Variants in RMDN2 observed in about 807,000 individuals in gnomAD.
RMDN2 encodes the protein regulator of microtubule dynamics 2.
RMDN2 carries 61 observed loss-of-function variants against 52.8 expected under a neutral mutation model. The observed-to-expected ratio is 1.16, with a 90% CI of 0.94 to 1.43. The LOEUF (loss-of-function observed/expected upper bound fraction) is 1.43, where lower values mean the gene tolerates loss of function less well. Among genes scored for constraint, RMDN2 ranks in the 40% most tolerant of loss-of-function variants. The probability of loss-of-function intolerance (pLI) is 0.00; values close to 1 mark genes in which losing one functional copy is unlikely to be tolerated. For synonymous variants in RMDN2, 180 were observed against 153.1 expected (o/e 1.18, Z -1.30); for missense variants, 592 against 475.3 (o/e 1.25, Z -2.28).
chr2:37,926,286 CA>C (rs1159245829), intron 1 of RMDN2, among the ~76,000 whole-genome samples: 2 of 152,152 alleles, frequency 1.3e-5, no homozygotes, highest in Non-Finnish European at 2.9e-5. Flanking sequence ...ATTTCTACAT[CA>C]AAAAATTAAT....
intron 2 of RMDN2, among the ~76,000 whole-genome samples, chr2:37,955,087 G>C (rs1669284774): frequency 6.6e-6 from 1 of 152,050 alleles, no homozygotes; most frequent in African/African-American, 2.4e-5. Context: ...TTTTGTGTAT[G>C]TGTGTGAAAT....
At chr2:37,973,948 G>C (rs1672125801) in intron 2 of RMDN2, 92 bp from the exon 3 acceptor site, 3 of 1,000,748 alleles carry the variant, frequency 3.0e-6, no homozygotes, top group African/African-American at 3.3e-5. Flanking sequence ...TCAAGCATAA[G>C]AGGGGCATGA....
downstream of RMDN2, among the ~76,000 whole-genome samples, chr2:38,022,283 T>C (rs535097737): frequency 7.4e-4 from 113 of 152,348 alleles, 1 homozygote; most frequent in Non-Finnish European, 2.9e-5. Flanking sequence ...CAGGATTATA[T>C]GTAGAACATT....
intron 10 of RMDN2, among the ~76,000 whole-genome samples, chr2:38,055,451 A>C (rs1188967952): frequency 6.6e-6 from 1 of 152,066 alleles, no homozygotes; most frequent in Non-Finnish European, 1.5e-5. Flanking sequence ...GAAAATCCTT[A>C]CTCAACTGTG....
chr2:37,954,347 C>A (rs149387413), intron 2 of RMDN2, among the ~76,000 whole-genome samples: 1 of 151,888 alleles, frequency 6.6e-6, no homozygotes, highest in Admixed American at 6.6e-5. Flanking sequence ...ATATTTAGGT[C>A]TTTGATGCAT....
At chr2:38,007,851 A>C (rs1467259948) in intron 10 of RMDN2, among the ~76,000 whole-genome samples, 2 of 152,066 alleles carry the variant, frequency 1.3e-5, no homozygotes, top group African/African-American at 4.8e-5. Flanking sequence ...TTAGTGCTAT[A>C]AATTTCCCTC....
intron 7 of RMDN2, among the ~76,000 whole-genome samples, chr2:37,993,138 T>A (rs1385936435): frequency 2.0e-5 from 3 of 152,176 alleles, no homozygotes; most frequent in Admixed American, 1.3e-4. Context: ...TTGGCCAGGC[T>A]GGTCTCACAC....
At chr2:38,002,702 G>A (rs1676484153) in intron 8 of RMDN2, among the ~76,000 whole-genome samples, 1 of 152,224 alleles carries the variant, frequency 6.6e-6, no homozygotes, top group African/African-American at 2.4e-5. Context: ...ATGTCAAACG[G>A]CTGATAGTGG....
At chr2:38,051,456 C>T (rs1243363415) in intron 10 of RMDN2, among the ~76,000 whole-genome samples, 1 of 152,106 alleles carries the variant, frequency 6.6e-6, no homozygotes, top group Non-Finnish European at 1.5e-5. Flanking sequence ...GATATTCTGA[C>T]ACATATAAAA....
chr2:37,982,174 C>T lies in RMDN2; in HGVS notation c.791+831C>T, dbSNP rs79104036. On this transcript the variant is annotated intron_variant, in intron 5 of 10. Transcript: ENST00000354545. ...GGCAAAATCTCTCTTAAAATGACTC[C>T]CTTTCCACAGGTCCACATTTGTCCC... 1.7e-3 allele frequency among the ~76,000 whole-genome samples: 266 copies of T among 152,268 alleles called. 4 individuals carry two copies. The East Asian group carries it at 0.043, about 25-fold the overall frequency.
intron 10 of RMDN2, chr2:38,035,856 A>C (rs1680538621): frequency 6.6e-6 from 1 of 152,180 alleles, no homozygotes; most frequent in African/African-American, 2.4e-5. Flanking sequence ...CCAATGTTAC[A>C]TTCCAAGCAT....
intron 2 of RMDN2, among the ~76,000 whole-genome samples, chr2:37,941,043 T>G (rs1328955176): frequency 6.6e-6 from 1 of 152,218 alleles, no homozygotes; most frequent in Non-Finnish European, 1.5e-5. Context: ...TTACCTTTGG[T>G]CTTTGTTGTT....
chr2:38,033,387 A>T (rs1680350827), intron 10 of RMDN2, among the ~76,000 whole-genome samples: 1 of 152,190 alleles, frequency 6.6e-6, no homozygotes, highest in Non-Finnish European at 1.5e-5. Context: ...ACTTGACTAG[A>T]TTAAGCCTAT....
In RMDN2 at chr2:37,929,575, A is replaced by G. The variant is rs1318432138; in HGVS notation, c.298A>G (p.Ile100Val). 1.3e-6 allele frequency: 2 copies of G among 1,551,944 alleles called. No homozygotes were observed. The highest frequency in any genetic ancestry group is 1.4e-5 in the African/African-American group (1 of 73,180). ...GGAAATCAGATTTCTTAAAGAAGCT[A>G]TTCCAAAGCTGGAGGAATATATACA... is the stretch of plus-strand genomic sequence containing the variant. ...KEEIRFLKEA[I>V]PKLEEYIQDE... Residue 100 changes from isoleucine to valine, a missense_variant, in exon 2 of 11, where the codon ATT becomes GTT. Physicochemically the swap from Ile to Val is conservative, Grantham distance 29. Transcript: ENST00000354545.
At chr2:37,935,617 G>A (rs888462112) in intron 2 of RMDN2, among the ~76,000 whole-genome samples, 1 of 152,194 alleles carries the variant, frequency 6.6e-6, no homozygotes, top group South Asian at 2.1e-4. Flanking sequence ...TGAAGTTGGT[G>A]TGCATTCTTC....
At chr2:37,957,998 G>A (rs1187257699) in intron 2 of RMDN2, among the ~76,000 whole-genome samples, 3 of 152,102 alleles carry the variant, frequency 2.0e-5, no homozygotes, top group Non-Finnish European at 4.4e-5. Context: ...TATTCCATTG[G>A]TCTATATATC....
At position 38,017,646 on chromosome 2, in the gene RMDN2, A is replaced by G. The variant is rs973886733; in HGVS notation, c.*407A>G. ...GAAAACTCAGCAAAGGACATGAACA[A>G]GTTGTTGGCAGAAGAGGAAAAACAA... On this transcript the variant is annotated 3_prime_UTR_variant, in exon 11 of 11. Coordinates refer to ENST00000354545, the MANE Select transcript of RMDN2 (RefSeq NM_001170791.3). 3.6e-5 allele frequency: 34 copies of G among 953,098 alleles called. No individual in the cohort carries two copies. The highest frequency in any genetic ancestry group is 4.8e-5 in the Non-Finnish European group (34 of 701,536). The allele number at this position is 953,098 out of a possible 1,614,324, so 59.0% of individuals were successfully genotyped here. A position where few individuals can be genotyped will look rare whatever the true frequency, so the allele number is the denominator to read the frequency against.
chr2:37,966,076 A>G (rs1220498249), intron 2 of RMDN2, among the ~76,000 whole-genome samples: 1 of 151,984 alleles, frequency 6.6e-6, no homozygotes, highest in South Asian at 2.1e-4. Context: ...TTTAAGTATG[A>G]TATTCTTGGT....
chr2:38,032,615 G>A (rs552196849), intron 10 of RMDN2, among the ~76,000 whole-genome samples: 3 of 152,270 alleles, frequency 2.0e-5, no homozygotes, highest in South Asian at 2.1e-4. Context: ...CGAGGCAGGC[G>A]GATCACCTGA....
Sources: allele counts gnomAD v4.1 joint callset (sites outside exome capture counted in the v4.1 genomes callset), GRCh38; gene constraint gnomAD v4.1.1; transcripts MANE v1.5; gene names NCBI Gene and HGNC (gene_info 2026-07-23, HGNC 2026-07-21).